Variants in TMCO6 observed in about 807,000 individuals in gnomAD.
TMCO6 encodes transmembrane and coiled-coil domain-containing protein 6.
In TMCO6, 47 loss-of-function variants were observed where a neutral mutation model predicts 61.8. The ratio of observed to expected loss-of-function variants is 0.76; its 90% confidence interval spans 0.60 to 0.97. The LOEUF (loss-of-function observed/expected upper bound fraction) is 0.97, where lower values mean the gene tolerates loss of function less well. Ranked by LOEUF, TMCO6 falls within the 50% of genes least tolerant of loss-of-function variation. TMCO6 has a pLI of 0.00. For missense variants in TMCO6, 557 were observed against 601.6 expected, an observed-to-expected ratio of 0.93 and a Z score of 0.78; for synonymous variants, 261 against 254.2, an observed-to-expected ratio of 1.03 and a Z score of -0.25.
At chr5:140,611,264 T>A in the TMCO6 span, among the ~76,000 whole-genome samples, 2 of 152,150 alleles carry the variant, frequency 1.3e-5, no homozygotes, top group South Asian at 2.1e-4. Flanking sequence ...TCTGTTCCCA[T>A]ACATCTTCCT....
chr5:140,632,618 C>T, the TMCO6 span: 3 of 1,613,908 alleles, frequency 1.9e-6, no homozygotes, highest in South Asian at 2.2e-5. This position sits in a 1 kb window ranked among gnomAD's most constrained non-coding sequence, Gnocchi z 6.2. Context: ...GGTCCTCGAG[C>T]GTCAGTTCCT....
downstream of TMCO6, chr5:140,647,573 G>A: frequency 6.2e-7 from 1 of 1,610,222 alleles, no homozygotes. Context: ...ACTTGCTGCG[G>A]CCGCCGCCAT....
chr5:140,633,079 A>G, the TMCO6 span: 1 of 1,614,026 alleles, frequency 6.2e-7, no homozygotes, highest in South Asian at 1.1e-5. Context: ...CATGGTCGAT[A>G]AGTCTTCCGA....
the TMCO6 span, among the ~76,000 whole-genome samples, chr5:140,625,168 T>C: frequency 6.6e-6 from 1 of 152,180 alleles, no homozygotes; most frequent in Non-Finnish European, 1.5e-5. Flanking sequence ...ATTTCTTGAC[T>C]GGGTTATTGG....
rs746462026 is a variant in TMCO6, at chr5:140,642,588, C to T, written c.606C>T (p.Ser202=). 12 of 1,614,080 alleles carry T rather than the reference C, an allele frequency of 7.4e-6. No homozygotes were observed. The Admixed American group carries it at 2.0e-4, about 27-fold the overall frequency. The part of the protein sequence containing the change: ...IVPALAACIQ[S]PHVAVLEALG... ...ATCCTTACCCTGTCTACTTCCAGTC[C>T]CCCCATGTGGCTGTGCTGGAAGCTC... is the stretch of plus-strand genomic sequence containing the variant. The change falls in exon 6 of 12, where the codon TCC becomes TCT. Residue 202 remains serine (S), a splice_region_variant and synonymous_variant. Transcript: ENST00000394671.
rs1470165957 is a variant in TMCO6, at chr5:140,645,004, A to G, written c.1388A>G (p.Gln463Arg). 2 of 1,614,194 alleles carry G rather than the reference A, an allele frequency of 1.2e-6. No homozygotes were observed. The highest frequency in any genetic ancestry group is 8.5e-7 in the Non-Finnish European group (1 of 1,180,018). Reference protein sequence around the residue: ...YQPEAVQVFLQQSGLQALERH... With the variant: ...YQPEAVQVFLRQSGLQALERH... ...CCCTAGGCTGTTCAGGTCTTCCTGC[A>G]GCAGTCAGGGCTGCAAGCCCTGGAA... The change falls in exon 12 of 12, where the codon CAG (glutamine) becomes CGG (arginine). Residue 463 changes from glutamine to arginine, a missense_variant. Transcript: ENST00000394671.
chr5:140,637,264 C>G (rs958766077), upstream of TMCO6, among the ~76,000 whole-genome samples: 2 of 152,096 alleles, frequency 1.3e-5, no homozygotes, highest in Admixed American at 6.5e-5. Context: ...AGGGCTAAGT[C>G]GGCCACAATT....
At chr5:140,623,467 A>C in the TMCO6 span, among the ~76,000 whole-genome samples, 99 of 151,362 alleles carry the variant, frequency 6.5e-4, 1 homozygote, top group African/African-American at 2.1e-3. Context: ...AGTCCTTTGG[A>C]TGTTAATCTG....
chr5:140,644,758 A>G lies in TMCO6; in HGVS notation c.1368+18A>G. 6.2e-7 allele frequency: 1 copy of G among 1,613,656 alleles called. No individual in the cohort carries two copies. The highest frequency in any genetic ancestry group is 8.5e-7 in the Non-Finnish European group (1 of 1,179,638). On this transcript the variant is annotated intron_variant, in intron 11 of 11. Transcript: ENST00000394671. ...AGCCAGAGGTATAGGTTTCTGGCCC[A>G]CATCCTCAGTCACCCCTGTTCTGAA...
chr5:140,618,320 T>C, the TMCO6 span, among the ~76,000 whole-genome samples: 6 of 151,814 alleles, frequency 4.0e-5, no homozygotes, highest in African/African-American at 1.5e-4. Flanking sequence ...TCCCAGCTAT[T>C]TGGGAGGCTG....
chr5:140,633,402 G>T, the TMCO6 span: 1 of 490,630 alleles, frequency 2.0e-6, no homozygotes. Flanking sequence ...TGACTCAGGC[G>T]CCCCAGGCGG....
the TMCO6 span, among the ~76,000 whole-genome samples, chr5:140,604,148 G>A: frequency 6.6e-6 from 1 of 152,184 alleles, no homozygotes; most frequent in African/African-American, 2.4e-5. Context: ...AGCCTATGTG[G>A]AGAAATAGCC....
At chr5:140,608,816 T>C in the TMCO6 span, among the ~76,000 whole-genome samples, 1 of 152,196 alleles carries the variant, frequency 6.6e-6, no homozygotes. Context: ...GACATGTGGG[T>C]ATATTTCTGA....
chr5:140,644,487 C>A, intron 10 of TMCO6, 86 bp from the exon 11 acceptor site: 1 of 1,484,962 alleles, frequency 6.7e-7, no homozygotes, highest in Non-Finnish European at 9.2e-7. Context: ...GGTGCCTGGG[C>A]ATGTGGTCAC....
rs545263921 is a variant in TMCO6 at position 140,644,861 on chromosome 5, T to C, written c.1368+121T>C. 6 of 1,504,864 alleles carry C rather than the reference T, an allele frequency of 4.0e-6. No individual in the cohort carries two copies. In the East Asian group the frequency reaches 1.1e-4, roughly 28 times the overall value. The allele number at this position is 1,504,864 out of a possible 1,614,324, so 93.2% of individuals were successfully genotyped here. A position where few individuals can be genotyped will look rare whatever the true frequency, so the allele number is the denominator to read the frequency against. Reference sequence around the variant, plus strand: ...GCCTGGCTAACCTATATAGGTTCCATGTCAGAAACTTCATCCTCTTGTTGG... The same window carrying C: ...GCCTGGCTAACCTATATAGGTTCCACGTCAGAAACTTCATCCTCTTGTTGG... On this transcript the variant is annotated intron_variant, in intron 11 of 11. Transcript: ENST00000394671.
At chr5:140,623,553 C>T in the TMCO6 span, among the ~76,000 whole-genome samples, 2 of 152,064 alleles carry the variant, frequency 1.3e-5, no homozygotes, top group African/African-American at 2.4e-5. Context: ...TTAAAAATCC[C>T]GCAACAGTTC....
chr5:140,619,194 A>G, the TMCO6 span, among the ~76,000 whole-genome samples: 1 of 152,252 alleles, frequency 6.6e-6, no homozygotes, highest in South Asian at 2.1e-4. Context: ...TGAGGAAAAT[A>G]TACAGATGGC....
chr5:140,615,413 C>T, the TMCO6 span, among the ~76,000 whole-genome samples: 1 of 150,536 alleles, frequency 6.6e-6, no homozygotes, highest in South Asian at 2.1e-4. Context: ...AATTCAATGG[C>T]TTTTTTTTTC....
At chr5:140,609,594 A>G in the TMCO6 span, among the ~76,000 whole-genome samples, 1 of 151,472 alleles carries the variant, frequency 6.6e-6, no homozygotes, top group African/African-American at 2.4e-5. Flanking sequence ...CAACAGGCAT[A>G]GAAGCAAGTG....
Sources: gnomAD v4.1 joint callset for allele counts (sites outside exome capture counted in the v4.1 genomes callset) on GRCh38, gnomAD v4.1.1 for gene constraint, Gnocchi (gnomAD v3.1) non-coding constraint, MANE v1.5 for transcripts, NCBI Gene and HGNC (gene_info 2026-07-23, HGNC 2026-07-21) for gene names.